The following IGF2 variants were observed in gnomAD, a reference collection of about 807,000 sequenced individuals.
IGF2 encodes insulin like growth factor 2.
A neutral mutation model predicts 12.0 loss-of-function variants in IGF2; 2 were observed. The observed-to-expected ratio is 0.17, with a 90% CI of 0.07 to 0.52. The LOEUF (loss-of-function observed/expected upper bound fraction) is 0.52. Among genes scored for constraint, IGF2 ranks in the 20% least tolerant of loss-of-function variants. IGF2 has a pLI of 0.95. For synonymous variants in IGF2, 105 were observed against 110.1 expected (o/e 0.95, Z 0.29); for missense variants, 211 against 268.0 (o/e 0.79, Z 1.48).
At chr11:2,135,676 A>G in intron 1 of IGF2, 147 bp from the exon 2 acceptor site, 2 of 710,904 alleles carry the variant, frequency 2.8e-6, no homozygotes, top group Admixed American at 2.9e-5. Context: ...TTTATTACAA[A>G]AGTAACACAC....
upstream of IGF2, among the ~76,000 whole-genome samples, chr11:2,143,746 C>T (rs765409456): frequency 4.7e-4 from 71 of 152,196 alleles, no homozygotes; most frequent in Non-Finnish European, 7.9e-4. Context: ...TATTGTGACC[C>T]GTCGAAATGG....
At chr11:2,139,873 G>A (rs1345140562), upstream of IGF2, among the ~76,000 whole-genome samples, 2 of 152,020 alleles carry the variant, frequency 1.3e-5, no homozygotes, top group Non-Finnish European at 2.9e-5. Flanking sequence ...TGGTTGTTGC[G>A]GCTGAGGGGG....
In IGF2 at chr11:2,133,316, G is replaced by C; in HGVS notation, c.307-93C>G. The stretch of plus-strand genomic sequence containing the variant: ...GACCTGACAGGCCACCCCTGTGACT[G>C]ATCAGTGACTTGAGCTAATGTCCAC... On this transcript the variant is annotated intron_variant, in intron 3 of 3. Coordinates refer to ENST00000416167, the MANE Select transcript of IGF2 (RefSeq NM_000612.6). This position sits in a 1 kb window ranked among gnomAD's most constrained non-coding sequence, Gnocchi z 8.9. 1 of 1,055,396 alleles carries C rather than the reference G, an allele frequency of 9.5e-7. No individual in the cohort carries two copies. The highest frequency in any genetic ancestry group is 1.6e-5 in the African/African-American group (1 of 62,458). 65.4% of individuals were successfully genotyped at this position (1,055,396 alleles called of 1,614,324 possible).
Position 2,133,618 on chromosome 11 carries a change from C to G in IGF2, c.205G>C (p.Glu69Gln), listed in dbSNP as rs1472622300. ...VSRRSRGIVEECCFRSCDLAL... is the reference protein window; with the variant it reads ...VSRRSRGIVEQCCFRSCDLAL... ...AGGTCACAGCTGCGGAAACAGCACT[C>G]CTCAACGATGCCACGGCTGCGACGG... Residue 69 changes from glutamate to glutamine, a missense_variant, in exon 3 of 4, where the codon GAG becomes CAG. Coordinates refer to ENST00000416167, the MANE Select transcript of IGF2 (RefSeq NM_000612.6). This position sits in a 1 kb window ranked among gnomAD's most constrained non-coding sequence, Gnocchi z 8.9. 3.7e-6 allele frequency: 6 copies of G among 1,612,972 alleles called. No homozygotes were observed. The highest frequency in any genetic ancestry group is 5.1e-6 in the Non-Finnish European group (6 of 1,180,012).
chr11:2,135,121 T>C (rs1329982920), intron 2 of IGF2, among the ~76,000 whole-genome samples: 6 of 152,088 alleles, frequency 3.9e-5, no homozygotes, highest in Admixed American at 1.3e-4. Flanking sequence ...CCCCTGTGAG[T>C]GCCCCTGACG....
upstream of IGF2, among the ~76,000 whole-genome samples, chr11:2,145,957 A>G (rs12417332): frequency 0.12 from 17,766 of 151,936 alleles, 1,112 homozygotes; most frequent in East Asian, 0.18. Flanking sequence ...CAGCAGTCCA[A>G]GGGTGTTGGG....
rs1196276879 is a variant in IGF2, at chr11:2,133,266, G to T, written c.307-43C>A. 6 of 1,361,650 alleles carry T rather than the reference G, an allele frequency of 4.4e-6. No homozygotes were observed. The highest frequency in any genetic ancestry group is 6.0e-6 in the Non-Finnish European group (6 of 996,774). The allele number at this position is 1,361,650 out of a possible 1,614,324, so 84.3% of individuals were successfully genotyped here. ...TGGTCAGCAGGTGCCTGCTCTCCAC[G>T]CTCTTCCGCCTGAGCCGCCCGCCTG... On this transcript the variant is annotated intron_variant, in intron 3 of 3. Coordinates refer to ENST00000416167, the MANE Select transcript of IGF2 (RefSeq NM_000612.6). The surrounding 1 kb of genome is among the most constrained non-coding windows in gnomAD (Gnocchi z 8.9).
At chr11:2,147,701 G>C in the IGF2 span, 1 of 1,250,500 alleles carries the variant, frequency 8.0e-7, no homozygotes, top group Non-Finnish European at 1.0e-6. This position sits in a 1 kb window ranked among gnomAD's most constrained non-coding sequence, Gnocchi z 7.2. Context: ...GGCTCAGGCT[G>C]TGGGGCAGGC....
At chr11:2,141,009 C>T, upstream of IGF2, 1 of 248,348 alleles carries the variant, frequency 4.0e-6, no homozygotes, top group South Asian at 3.3e-5. Context: ...CGTTGGAAGA[C>T]CCGGGGACAA....
Position 2,132,648 on chromosome 11 carries a change from G to C in IGF2, c.*339C>G, listed in dbSNP as rs1164780188. On this transcript the variant is annotated 3_prime_UTR_variant, in exon 4 of 4. Coordinates refer to ENST00000416167, the MANE Select transcript of IGF2 (RefSeq NM_000612.6). The stretch of plus-strand genomic sequence containing the variant: ...TCTAAAAAGCCAATTAGTTTTAAGA[G>C]GGTTGTTGTGGGGGGGGGGGAAGGG... 486 of 164,282 alleles carry C rather than the reference G, an allele frequency of 3.0e-3. 3 individuals carry two copies. Among genetic ancestry groups the C allele is most frequent in the African/African-American group, 0.015 (432 of 28,454 alleles). 10.2% of individuals were successfully genotyped at this position (164,282 alleles called of 1,614,324 possible).
intron 1 of IGF2, among the ~76,000 whole-genome samples, chr11:2,136,361 T>TC (rs1239014298): frequency 6.6e-6 from 1 of 152,102 alleles, no homozygotes; most frequent in Non-Finnish European, 1.5e-5. Context: ...TACCAAACTC[T>TC]CCCCGTGGGA....
upstream of IGF2, among the ~76,000 whole-genome samples, chr11:2,146,018 C>A (rs1859910011): frequency 6.6e-6 from 1 of 152,066 alleles, no homozygotes. Flanking sequence ...GGAACTTTAG[C>A]CCCAAGCAGC....
At chr11:2,139,849 C>CG (rs1192007545), upstream of IGF2, among the ~76,000 whole-genome samples, 1 of 151,168 alleles carries the variant, frequency 6.6e-6, no homozygotes, top group African/African-American at 2.4e-5. Context: ...GGGGCTGAGT[C>CG]GGGGGGTCCT....
chr11:2,140,363 A>C, upstream of IGF2: 1 of 1,428,936 alleles, frequency 7.0e-7, no homozygotes, highest in South Asian at 1.3e-5. Context: ...CCACGCACAA[A>C]ATCCCGCACC....
intron 2 of IGF2, 61 bp downstream of exon 2, chr11:2,135,306 G>T: frequency 7.0e-7 from 1 of 1,432,646 alleles, no homozygotes; most frequent in Non-Finnish European, 9.3e-7. Context: ...GAGGTTGGGC[G>T]TCCTCACCGG....
chr11:2,145,412 T>TC (rs1208276801), upstream of IGF2, among the ~76,000 whole-genome samples: 5 of 152,012 alleles, frequency 3.3e-5, no homozygotes, highest in Admixed American at 2.6e-4. Flanking sequence ...AGCTCTAGGC[T>TC]CCCCCCACCT....
rs1440716251 is a variant in IGF2, at chr11:2,130,537, G to A, written c.*2450C>T. The A allele has an allele frequency of 1.4e-5, 3 of 214,372 alleles. No homozygotes were observed. The highest frequency in any genetic ancestry group is 3.8e-4 in the South Asian group (2 of 5,232). The allele number at this position is 214,372 out of a possible 1,614,324, so 13.3% of individuals were successfully genotyped here. On this transcript the variant is annotated 3_prime_UTR_variant, in exon 4 of 4. Transcript: ENST00000416167. ...CTGCCCCCCTGTTACATGGGGGGGG[G>A]GTTTAATTTGGTTTCTGAGCGCATA...
upstream of IGF2, among the ~76,000 whole-genome samples, chr11:2,144,886 G>A (rs1008082626): frequency 2.0e-5 from 3 of 152,134 alleles, no homozygotes; most frequent in African/African-American, 7.2e-5. Flanking sequence ...GGAGGACCCC[G>A]GCTAGAAGGG....
chr11:2,147,355 C>T, the IGF2 span: 4 of 384,790 alleles, frequency 1.0e-5, no homozygotes, highest in East Asian at 3.7e-5. The surrounding 1 kb of genome is among the most constrained non-coding windows in gnomAD (Gnocchi z 7.2). Flanking sequence ...GTGGAGACTG[C>T]GGGGAACCTG....
Sources: allele counts gnomAD v4.1 joint callset (sites outside exome capture counted in the v4.1 genomes callset), GRCh38; gene constraint gnomAD v4.1.1; non-coding constraint Gnocchi (gnomAD v3.1); transcripts MANE v1.5; gene names NCBI Gene and HGNC (gene_info 2026-07-23, HGNC 2026-07-21).